ADGRB3: variants seen among roughly 807,000 people sequenced by gnomAD.
The protein encoded by ADGRB3 is adhesion G protein-coupled receptor B3, also known as brain-specific angiogenesis inhibitor 3.
In ADGRB3, 37 loss-of-function variants were observed where a neutral mutation model predicts 193.4. That is an observed-to-expected ratio of 0.19 (90% confidence interval 0.15 to 0.25). The LOEUF is 0.25. Ranked by LOEUF, ADGRB3 falls within the 10% of genes least tolerant of loss-of-function variation. The probability of loss-of-function intolerance (pLI) is 1.00; values close to 1 mark genes in which losing one functional copy is unlikely to be tolerated. For missense variants in ADGRB3, 1,637 were observed against 1,852.9 expected (o/e 0.88, Z 2.14); for synonymous variants, 690 against 644.2 (o/e 1.07, Z -1.08).
chr6:68,993,288 A>G (rs762058975), intron 10 of ADGRB3, among the ~76,000 whole-genome samples: 4 of 152,152 alleles, frequency 2.6e-5, no homozygotes, highest in Admixed American at 6.6e-5. Flanking sequence ...TTGTGCTGCT[A>G]ATAACTTTCT....
rs948617492 is a variant in ADGRB3, at chr6:69,003,857, G to A, written c.1929+9895G>A. Among the ~76,000 whole-genome samples, 6 of 152,098 alleles carry A rather than the reference G, an allele frequency of 3.9e-5. No homozygotes were observed. The East Asian group carries it at 9.6e-4, about 24-fold the overall frequency. On this transcript the variant is annotated intron_variant, in intron 11 of 31. Coordinates refer to ENST00000370598, the MANE Select transcript of ADGRB3 (RefSeq NM_001704.3). ...ACTAACAAGCTCCATAGAAGAGCCCGGAGTATGCAACACAACCACGTAGGA... is the reference window on the plus strand; with the variant it reads ...ACTAACAAGCTCCATAGAAGAGCCCAGAGTATGCAACACAACCACGTAGGA...
intron 20 of ADGRB3, among the ~76,000 whole-genome samples, chr6:69,267,895 T>A (rs1767082638): frequency 6.6e-6 from 1 of 152,124 alleles, no homozygotes; most frequent in African/African-American, 2.4e-5. Flanking sequence ...CGGTTTCCAG[T>A]TTCCTGTTTC....
In ADGRB3 at chr6:68,786,180, C is replaced by T. The variant is rs368996229; in HGVS notation, c.758-144379C>T. Among the ~76,000 whole-genome samples the T allele has an allele frequency of 9.0e-3, 1,372 of 151,804 alleles. 20 individuals are homozygous for T. Among genetic ancestry groups the T allele is most frequent in the African/African-American group, 0.028 (1,161 of 41,364 alleles). On this transcript the variant is annotated intron_variant, in intron 3 of 31. Coordinates refer to ENST00000370598, the MANE Select transcript of ADGRB3 (RefSeq NM_001704.3). ...TAATTAGATCCCATTTGTCAATTTT[C>T]GCTTTTGTTGCCATTGCTTTTGGTG...
At chr6:69,155,339 A>C (rs190800507) in intron 17 of ADGRB3, among the ~76,000 whole-genome samples, 91 of 152,368 alleles carry the variant, frequency 6.0e-4, no homozygotes, top group African/African-American at 2.1e-3. Context: ...GGTATAGGCC[A>C]CCCAAAAGGT....
intron 3 of ADGRB3, among the ~76,000 whole-genome samples, chr6:68,740,904 T>A (rs75021905): frequency 0.026 from 4,004 of 152,268 alleles, 121 homozygotes; most frequent in East Asian, 0.081. Context: ...TGATAGGCCA[T>A]GTCAGTCTTC....
intron 24 of ADGRB3, among the ~76,000 whole-genome samples, chr6:69,337,308 A>T (rs1390545597): frequency 6.6e-6 from 1 of 152,194 alleles, no homozygotes. Context: ...TGCCTTTTTC[A>T]TATTAATCTG....
intron 3 of ADGRB3, among the ~76,000 whole-genome samples, chr6:68,704,907 C>T (rs533116780): frequency 3.9e-5 from 6 of 152,204 alleles, no homozygotes; most frequent in African/African-American, 9.6e-5. Context: ...TTTTTAATTA[C>T]GCTTTAAACA....
At chr6:69,002,680 T>C (rs1769616521) in intron 11 of ADGRB3, among the ~76,000 whole-genome samples, 1 of 152,178 alleles carries the variant, frequency 6.6e-6, no homozygotes, top group South Asian at 2.1e-4. Flanking sequence ...TATTAAAAAT[T>C]GGGTTGATAA....
chr6:69,229,293 A>G (rs1766085236), intron 17 of ADGRB3, among the ~76,000 whole-genome samples: 1 of 152,176 alleles, frequency 6.6e-6, no homozygotes, highest in Non-Finnish European at 1.5e-5. Context: ...AAAGCCATAT[A>G]TACATCATCA....
chr6:68,966,847 A>G lies in ADGRB3; in HGVS notation c.1526-7916A>G, dbSNP rs377643510. On this transcript the variant is annotated intron_variant, in intron 8 of 31. Transcript: ENST00000370598. ...AATATTTGTTGAATGAATGAATTCT[A>G]TAAGTGGCACTGAGAAGTACCTAGA... is the stretch of plus-strand genomic sequence containing the variant. Among the ~76,000 whole-genome samples the G allele has an allele frequency of 5.9e-5, 9 of 152,342 alleles. No homozygotes were observed. The East Asian group carries it at 1.4e-3, about 23-fold the overall frequency.
intron 20 of ADGRB3, among the ~76,000 whole-genome samples, chr6:69,312,413 A>G (rs1161941786): frequency 6.6e-6 from 1 of 151,764 alleles, no homozygotes; most frequent in African/African-American, 2.4e-5. Context: ...GCTCAGAGAT[A>G]GGCAAATAGG....
intron 3 of ADGRB3, among the ~76,000 whole-genome samples, chr6:68,881,159 A>C (rs758480124): frequency 9.5e-5 from 13 of 137,182 alleles, no homozygotes; most frequent in Admixed American, 2.3e-4. Flanking sequence ...CAGGTTTTAA[A>C]CTACCATTCC....
chr6:68,682,701 G>T (rs1434436299), intron 3 of ADGRB3, among the ~76,000 whole-genome samples: 1 of 152,016 alleles, frequency 6.6e-6, no homozygotes, highest in Admixed American at 6.6e-5. Context: ...TAAAAATTTT[G>T]TATAACAAAC....
intron 13 of ADGRB3, among the ~76,000 whole-genome samples, chr6:69,038,344 A>G (rs1259704506): frequency 1.3e-5 from 2 of 151,958 alleles, no homozygotes; most frequent in African/African-American, 4.8e-5. Context: ...ACACACACAC[A>G]CACACACCAC....
chr6:69,360,794 G>A (rs1202754921), intron 28 of ADGRB3, 75 bp from the exon 29 acceptor site: 7 of 1,399,466 alleles, frequency 5.0e-6, no homozygotes, highest in Middle Eastern at 2.0e-4. Flanking sequence ...AGTAGAAAGC[G>A]AGACAACATA....
intron 17 of ADGRB3, among the ~76,000 whole-genome samples, chr6:69,144,883 C>CTTTCTTTCTTTCTTTG (rs1774440457): frequency 6.7e-6 from 1 of 148,732 alleles, no homozygotes; most frequent in African/African-American, 2.5e-5. Context: ...AGTGTTCTTT[C>CTTTCTTTCTTTCTTTG]TTTCTTTCTT....
intron 3 of ADGRB3, among the ~76,000 whole-genome samples, chr6:68,841,906 C>G (rs523137): frequency 0.22 from 32,605 of 150,268 alleles, 4,048 homozygotes; most frequent in East Asian, 0.58. Flanking sequence ...AGTGGGATTG[C>G]TTAATTGGTA....
chr6:69,037,482 A>G (rs921934955), intron 13 of ADGRB3, among the ~76,000 whole-genome samples: 2 of 130,650 alleles, frequency 1.5e-5, no homozygotes, highest in Admixed American at 7.2e-5. Context: ...CTCATGCTAT[A>G]GAGCATGATT....
At chr6:68,992,699 C>G (rs9454668) in intron 10 of ADGRB3, among the ~76,000 whole-genome samples, 4,389 of 152,148 alleles carry the variant, frequency 0.029, 209 homozygotes, top group African/African-American at 0.1. Flanking sequence ...GACATCTTTA[C>G]AGAAAAAGAA....
Sources: gnomAD v4.1 joint callset for allele counts (sites outside exome capture counted in the v4.1 genomes callset) on GRCh38, gnomAD v4.1.1 for gene constraint, MANE v1.5 for transcripts, NCBI Gene and HGNC (gene_info 2026-07-23, HGNC 2026-07-21) for gene names.